CFAP47: variants seen among roughly 807,000 people sequenced by gnomAD.
The protein encoded by CFAP47 is cilia- and flagella-associated protein 47.
A neutral mutation model predicts 148.1 loss-of-function variants in CFAP47; 29 were observed. The ratio of observed to expected loss-of-function variants is 0.20; its 90% CI spans 0.15 to 0.27. The LOEUF (loss-of-function observed/expected upper bound fraction) is 0.27, where lower values mean the gene tolerates loss of function less well. Ranked by LOEUF, CFAP47 falls within the 10% of genes least tolerant of loss-of-function variation. CFAP47 has a pLI of 1.00. For missense variants in CFAP47, 1,872 were observed against 1,697.5 expected, an observed-to-expected ratio of 1.10 and a Z score of -1.81; for synonymous variants, 664 against 577.3, an observed-to-expected ratio of 1.15 and a Z score of -2.15.
chrX:36,173,945 G>A (rs1213326583), intron 39 of CFAP47, among the ~76,000 whole-genome samples: 1 of 111,077 alleles, frequency 9.0e-6, no homozygotes, highest in East Asian at 2.8e-4. Flanking sequence ...AATTCTCTTT[G>A]TAGGTCACTC....
At chrX:36,289,293 C>T (rs1007954099) in intron 51 of CFAP47, among the ~76,000 whole-genome samples, 13 of 110,494 alleles carry the variant, frequency 1.2e-4, no homozygotes, top group African/African-American at 2.6e-4. Context: ...CGTGAGCCAC[C>T]GCACCCGGGC....
chrX:36,335,012 A>G (rs970574952), intron 57 of CFAP47, among the ~76,000 whole-genome samples: 12 of 111,038 alleles, frequency 1.1e-4, no homozygotes, highest in Non-Finnish European at 1.9e-4. Context: ...TATGTTAGTC[A>G]TTCTCAAGTT....
chrX:36,325,345 GAACTCACA>G (rs1941509813), intron 57 of CFAP47, among the ~76,000 whole-genome samples: 1 of 111,595 alleles, frequency 9.0e-6, no homozygotes, highest in African/African-American at 3.3e-5. Flanking sequence ...TTGTGCCCAA[GAACTCACA>G]GACAGTACGT....
intron 37 of CFAP47, among the ~76,000 whole-genome samples, chrX:36,149,601 TTTA>T (rs1939281472): frequency 1.3e-5 from 1 of 77,301 alleles, no homozygotes; most frequent in Non-Finnish European, 2.3e-5. Flanking sequence ...TATTTATTTA[TTTA>T]TTTATTTATT....
intron 29 of CFAP47, among the ~76,000 whole-genome samples, chrX:36,077,183 CTTTTTTTTTTTTTTTTTTTTTTTTT>C (rs776287161): frequency 8.1e-4 from 17 of 20,994 alleles, no homozygotes; most frequent in Admixed American, 5.6e-3. Flanking sequence ...GCGCCTCCAG[CTTTTTTTTTTTTTTTTTTTTTTTTT>C]TTTTTTTTTT....
At chrX:35,938,637 C>A (rs1935952952) in intron 2 of CFAP47, among the ~76,000 whole-genome samples, 1 of 110,941 alleles carries the variant, frequency 9.0e-6, no homozygotes, top group Non-Finnish European at 1.9e-5. Flanking sequence ...TGCATTTTAT[C>A]CCTATTTAAA....
At chrX:35,995,469 T>C (rs752482786) in intron 18 of CFAP47, among the ~76,000 whole-genome samples, 37 of 111,390 alleles carry the variant, frequency 3.3e-4, no homozygotes, top group Non-Finnish European at 5.5e-4. Flanking sequence ...GTTATTAGTC[T>C]GGTGAAGAGG....
At chrX:36,280,958 G>A (rs899747981) in intron 50 of CFAP47, among the ~76,000 whole-genome samples, 4 of 112,113 alleles carry the variant, frequency 3.6e-5, no homozygotes, top group Admixed American at 2.9e-4. Flanking sequence ...TTTTAATAAT[G>A]TAATATGCAT....
intron 57 of CFAP47, among the ~76,000 whole-genome samples, chrX:36,346,227 G>GT (rs1158501873): frequency 5.6e-4 from 61 of 108,826 alleles, no homozygotes; most frequent in Non-Finnish European, 1.0e-3. Context: ...GTGTGTGTGT[G>GT]TTTTTTTTTA....
chrX:36,184,435 A>G (rs1307432179), intron 40 of CFAP47, among the ~76,000 whole-genome samples: 4 of 111,118 alleles, frequency 3.6e-5, no homozygotes, highest in Non-Finnish European at 7.5e-5. Context: ...AATGTTGAGA[A>G]GGTAACAAAG....
intron 30 of CFAP47, among the ~76,000 whole-genome samples, chrX:36,088,020 C>A (rs1331320206): frequency 9.0e-6 from 1 of 111,359 alleles, no homozygotes; most frequent in Non-Finnish European, 1.9e-5. Flanking sequence ...GTACCCATTT[C>A]CCTGATGTCT....
chrX:36,012,798 T>G (rs1046073182), intron 21 of CFAP47, among the ~76,000 whole-genome samples: 1 of 111,071 alleles, frequency 9.0e-6, no homozygotes, highest in Non-Finnish European at 1.9e-5. Flanking sequence ...AATCTGCACA[T>G]TCTGCACATG....
chrX:35,965,672 A>G (rs1366163969), intron 8 of CFAP47, among the ~76,000 whole-genome samples: 1 of 111,783 alleles, frequency 8.9e-6, no homozygotes, highest in Non-Finnish European at 1.9e-5. Context: ...ATATACCTAT[A>G]TATTTGACAG....
intron 51 of CFAP47, among the ~76,000 whole-genome samples, chrX:36,292,802 G>T (rs1335165873): frequency 9.0e-6 from 1 of 111,531 alleles, no homozygotes; most frequent in African/African-American, 3.3e-5. Context: ...CAAGTAAGGA[G>T]GCAGGCTGAA....
At chrX:35,976,444 T>C (rs1261679625) in intron 15 of CFAP47, among the ~76,000 whole-genome samples, 2 of 111,995 alleles carry the variant, frequency 1.8e-5, no homozygotes, top group Non-Finnish European at 3.8e-5. Flanking sequence ...TATATATGCA[T>C]ATCAAATCAT....
At chrX:35,983,086 A>G (rs1601915527) in intron 15 of CFAP47, among the ~76,000 whole-genome samples, 1 of 111,917 alleles carries the variant, frequency 8.9e-6, no homozygotes, top group African/African-American at 3.2e-5. Context: ...ATGAGCACAG[A>G]ATATTTTTCT....
At chrX:36,353,477 A>G in intron 59 of CFAP47, 52 bp from the exon 60 acceptor site, 2 of 1,045,521 alleles carry the variant, frequency 1.9e-6, no homozygotes, top group Admixed American at 3.0e-5. Context: ...TATCTCAAGA[A>G]TGATCATATC....
rs200204847 is a variant in CFAP47 at position 36,383,749 on chromosome X, AG to A, written c.9355-1046del. Among the ~76,000 whole-genome samples, 511 of 110,984 alleles carry A rather than the reference AG, an allele frequency of 4.6e-3. 2 individuals are homozygous for A. The highest frequency in any genetic ancestry group is 0.016 in the African/African-American group (477 of 30,333). ...ATTCTTGCACTTAATATTAATTGAC[AG>A]GTATCACACTACATATAAAGCTCAG... On this transcript the variant is annotated intron_variant, in intron 63 of 63. Coordinates refer to ENST00000378653, the MANE Select transcript of CFAP47 (RefSeq NM_001304548.2).
chrX:36,239,380 G>A (rs781848315), intron 48 of CFAP47, among the ~76,000 whole-genome samples: 61 of 112,239 alleles, frequency 5.4e-4, no homozygotes, highest in African/African-American at 1.7e-3. Context: ...ATGGTTTGTG[G>A]CATTTTAACT....
Sources: gnomAD v4.1 joint callset for allele counts (sites outside exome capture counted in the v4.1 genomes callset) on GRCh38, gnomAD v4.1.1 for gene constraint, MANE v1.5 for transcripts, NCBI Gene and HGNC (gene_info 2026-07-23, HGNC 2026-07-21) for gene names.